Variants in SOX5 observed in about 807,000 individuals in gnomAD.
The protein encoded by SOX5 is transcription factor SOX-5.
Under a neutral mutation model 92.0 loss-of-function variants are expected in SOX5, and 9 were observed. That is an observed-to-expected ratio of 0.10 (90% CI 0.06 to 0.17). The LOEUF (loss-of-function observed/expected upper bound fraction) is 0.17, where lower values mean the gene tolerates loss of function less well. Ranked by LOEUF, SOX5 falls within the 10% of genes least tolerant of loss-of-function variation. The pLI is 1.00. For synonymous variants in SOX5, 344 were observed against 336.3 expected, an observed-to-expected ratio of 1.02 and a Z score of -0.25; for missense variants, 642 against 944.5, an observed-to-expected ratio of 0.68 and a Z score of 4.20.
intron 4 of SOX5, among the ~76,000 whole-genome samples, chr12:24,144,692 G>C (rs888380347): frequency 6.6e-6 from 1 of 151,878 alleles, no homozygotes; most frequent in Non-Finnish European, 1.5e-5. Flanking sequence ...AGCCAGCCTT[G>C]GAAGCGCACA....
At chr12:23,965,818 T>C (rs4447257) in intron 4 of SOX5, among the ~76,000 whole-genome samples, 96,914 of 151,706 alleles carry the variant, frequency 0.64, 31,190 homozygotes, top group East Asian at 0.83. Flanking sequence ...GGCGTTTCAC[T>C]ATGTTGGCCA....
intron 10 of SOX5, among the ~76,000 whole-genome samples, chr12:23,574,756 G>A (rs1202314770): frequency 6.6e-6 from 1 of 151,926 alleles, no homozygotes; most frequent in Non-Finnish European, 1.5e-5. Context: ...ATTTCACTTT[G>A]TGATTTTTTT....
chr12:24,084,813 T>A (rs10505932), intron 4 of SOX5, among the ~76,000 whole-genome samples: 2 of 151,964 alleles, frequency 1.3e-5, no homozygotes, highest in East Asian at 3.9e-4. Flanking sequence ...AGCCCTAACC[T>A]ATCACTACAT....
At position 24,267,952 on chromosome 12, in the gene SOX5, C is replaced by CA. The variant is rs1030300549; in HGVS notation, c.-77+9263dup. Among the ~76,000 whole-genome samples the CA allele has an allele frequency of 1.4e-4, 21 of 151,656 alleles. No homozygotes were observed. The South Asian group carries it at 1.7e-3, about 12-fold the overall frequency. Reference sequence around the variant, plus strand: ...CAATGAGGAAGCTGAAAAGCCATAGCAAAAAAAACTGTACAGAAGACCATT... The same window carrying CA: ...CAATGAGGAAGCTGAAAAGCCATAGCAAAAAAAAACTGTACAGAAGACCATT... On this transcript the variant is annotated intron_variant, in intron 3 of 4. Transcript: ENST00000446891.
At chr12:24,410,121 C>T (rs989484667) in intron 1 of SOX5, among the ~76,000 whole-genome samples, 3 of 152,026 alleles carry the variant, frequency 2.0e-5, no homozygotes, top group Admixed American at 1.3e-4. Flanking sequence ...CCTCAGCCTC[C>T]CACATAGCTG....
chr12:24,469,665 A>G (rs1944591431), intron 1 of SOX5, among the ~76,000 whole-genome samples: 1 of 152,230 alleles, frequency 6.6e-6, no homozygotes, highest in Non-Finnish European at 1.5e-5. Flanking sequence ...GTAGATATCT[A>G]TTCTCTGTGG....
rs543641093 is a variant in SOX5, at chr12:24,146,716, G to A, written c.-2+66627C>T. Among the ~76,000 whole-genome samples the A allele has an allele frequency of 8.8e-5, 13 of 147,760 alleles. No homozygotes were observed. In the South Asian group the frequency reaches 2.4e-3, roughly 27 times the overall value. On this transcript the variant is annotated intron_variant, in intron 4 of 4. Transcript: ENST00000446891. ...AGAAGATTAATAAAATTGATGAATC[G>A]CTAGCCAGGCTGGTCAGGAGGAAAA...
At chr12:23,815,137 T>C (rs919017569) in intron 3 of SOX5, among the ~76,000 whole-genome samples, 1 of 152,148 alleles carries the variant, frequency 6.6e-6, no homozygotes, top group African/African-American at 2.4e-5. Context: ...TGTAAGGACT[T>C]TGCAAATCTC....
chr12:24,143,884 AAAG>A (rs1483779616), intron 4 of SOX5, among the ~76,000 whole-genome samples: 1 of 150,612 alleles, frequency 6.6e-6, no homozygotes, highest in Non-Finnish European at 1.5e-5. Flanking sequence ...GAGGAGGAGG[AAAG>A]GAGGAGGAGG....
At chr12:24,442,271 T>TC (rs1344392105) in intron 1 of SOX5, among the ~76,000 whole-genome samples, 1 of 152,226 alleles carries the variant, frequency 6.6e-6, no homozygotes, top group African/African-American at 2.4e-5. Context: ...GTAGATTATG[T>TC]CCTCTTATCT....
chr12:23,934,843 G>T (rs548329721), intron 1 of SOX5, among the ~76,000 whole-genome samples: 1 of 151,288 alleles, frequency 6.6e-6, no homozygotes, highest in African/African-American at 2.4e-5. Flanking sequence ...AAGAATTAAG[G>T]CATGCAGAGT....
chr12:23,945,559 A>G (rs1944452220), intron 1 of SOX5, among the ~76,000 whole-genome samples: 1 of 152,142 alleles, frequency 6.6e-6, no homozygotes, highest in Non-Finnish European at 1.5e-5. Context: ...TGCATTCCAA[A>G]CCAATGTCTT....
intron 8 of SOX5, among the ~76,000 whole-genome samples, chr12:23,628,535 C>G (rs2078130273): frequency 6.6e-6 from 1 of 152,080 alleles, no homozygotes; most frequent in South Asian, 2.1e-4. Context: ...ATTAATTACG[C>G]TGCCCCAAAG....
chr12:24,022,324 A>G (rs1592416170), intron 4 of SOX5, among the ~76,000 whole-genome samples: 1 of 152,136 alleles, frequency 6.6e-6, no homozygotes, highest in Non-Finnish European at 1.5e-5. Flanking sequence ...AGAGCATGAC[A>G]AGTGGATTAG....
intron 4 of SOX5, among the ~76,000 whole-genome samples, chr12:24,134,718 AAC>A (rs1005079075): frequency 6.6e-6 from 1 of 152,226 alleles, no homozygotes; most frequent in African/African-American, 2.4e-5. Context: ...ATTGAACAAA[AAC>A]ACAGAATTAC....
intron 1 of SOX5, among the ~76,000 whole-genome samples, chr12:23,906,451 T>C (rs986163971): frequency 2.6e-5 from 4 of 152,214 alleles, no homozygotes; most frequent in African/African-American, 9.6e-5. Context: ...ACTAGACTTT[T>C]TTCCCCCTTC....
At chr12:23,806,535 A>T (rs187049682) in intron 3 of SOX5, among the ~76,000 whole-genome samples, 2 of 151,890 alleles carry the variant, frequency 1.3e-5, no homozygotes, top group East Asian at 3.9e-4. Flanking sequence ...AATGTAAACC[A>T]AAGACTGAGG....
chr12:23,615,081 C>CGT (rs1349462502), intron 8 of SOX5, among the ~76,000 whole-genome samples: 1 of 152,122 alleles, frequency 6.6e-6, no homozygotes. Flanking sequence ...GGATTACAGG[C>CGT]GTGAGCCACC....
intron 4 of SOX5, among the ~76,000 whole-genome samples, chr12:24,167,127 C>T (rs1320746590): frequency 6.6e-6 from 1 of 152,134 alleles, no homozygotes; most frequent in Non-Finnish European, 1.5e-5. Context: ...CAGTTCTTGT[C>T]TGTGTAATAC....
Sources: gnomAD v4.1 joint callset for allele counts (sites outside exome capture counted in the v4.1 genomes callset) on GRCh38, gnomAD v4.1.1 for gene constraint, MANE v1.5 for transcripts, NCBI Gene and HGNC (gene_info 2026-07-23, HGNC 2026-07-21) for gene names.